KIAA0319L: variants seen among roughly 807,000 people sequenced by gnomAD.
KIAA0319L encodes the protein KIAA0319 like, also known as dyslexia-associated protein KIAA0319-like protein.
In KIAA0319L, 55 loss-of-function variants were observed where a neutral mutation model predicts 120.1. The observed-to-expected ratio is 0.46, with a 90% CI of 0.37 to 0.57. The LOEUF (loss-of-function observed/expected upper bound fraction) is 0.57. KIAA0319L is among the 20% of genes least tolerant of loss of function. The pLI is 0.00. For missense variants in KIAA0319L, 1,049 were observed against 1,255.3 expected (o/e 0.84, Z 2.48); for synonymous variants, 398 against 471.9 (o/e 0.84, Z 2.03).
At chr1:35,494,590 T>A (rs1489568594) in intron 3 of KIAA0319L, among the ~76,000 whole-genome samples, 3 of 149,398 alleles carry the variant, frequency 2.0e-5, no homozygotes, top group African/African-American at 7.4e-5. Flanking sequence ...AGTCCAGGAG[T>A]TTGAGACCAG....
At chr1:35,491,406 T>G (rs1054012279) in intron 3 of KIAA0319L, among the ~76,000 whole-genome samples, 1 of 151,968 alleles carries the variant, frequency 6.6e-6, no homozygotes, top group Non-Finnish European at 1.5e-5. Context: ...AATAACATAA[T>G]CAAATCGCTT....
At chr1:35,460,260 C>CA (rs771871327) in intron 9 of KIAA0319L, 45 bp downstream of exon 9, 2 of 1,554,788 alleles carry the variant, frequency 1.3e-6, no homozygotes, top group Non-Finnish European at 1.8e-6. Flanking sequence ...CCACGAGAGG[C>CA]AAAAAAATGG....
chr1:35,489,211 A>T (rs1253451587), intron 3 of KIAA0319L, among the ~76,000 whole-genome samples: 1 of 152,156 alleles, frequency 6.6e-6, no homozygotes, highest in Admixed American at 6.5e-5. Flanking sequence ...AGGTAAAAAA[A>T]CAAAACAAAA....
chr1:35,477,213 T>C (rs1643926100), intron 4 of KIAA0319L, among the ~76,000 whole-genome samples: 1 of 151,984 alleles, frequency 6.6e-6, no homozygotes, highest in Non-Finnish European at 1.5e-5. Context: ...CCAGAATATA[T>C]AAAGAGTTCA....
chr1:35,546,382 T>C (rs1646984482), intron 2 of KIAA0319L, among the ~76,000 whole-genome samples: 2 of 152,050 alleles, frequency 1.3e-5, no homozygotes, highest in Admixed American at 1.3e-4. Context: ...AGGTAAGAAA[T>C]AAAGGCGTCC....
At chr1:35,555,820 G>A (rs1647916027) in intron 1 of KIAA0319L, among the ~76,000 whole-genome samples, 1 of 152,202 alleles carries the variant, frequency 6.6e-6, no homozygotes, top group Non-Finnish European at 1.5e-5. Context: ...CCTGACAGGT[G>A]GGTGGGAGAA....
At chr1:35,501,619 G>A (rs1329831526) in intron 3 of KIAA0319L, among the ~76,000 whole-genome samples, 1 of 152,188 alleles carries the variant, frequency 6.6e-6, no homozygotes, top group Non-Finnish European at 1.5e-5. Flanking sequence ...GCTCACGCCT[G>A]TAATACCAGC....
In KIAA0319L at chr1:35,478,210, T is replaced by C. The variant is rs182379584; in HGVS notation, c.913+756A>G. ...CTAAAAATCAAAACAACTGAACTCA[T>C]GGAGATAGAGAGTAATGGTTAGATA... On this transcript the variant is annotated intron_variant, in intron 4 of 20. Transcript: ENST00000325722. Among the ~76,000 whole-genome samples, 6 of 149,230 alleles carry C rather than the reference T, an allele frequency of 4.0e-5. No homozygotes were observed. In the Admixed American group the frequency reaches 4.1e-4, roughly 10 times the overall value.
chr1:35,444,267 GGGAGGCTCGTTTTGAACAAA>G lies in KIAA0319L; in HGVS notation c.2530_2549del (p.Phe844ProfsTer8). Reference sequence around the variant, plus strand: ...CCTCATGGCCTTTGAAGATCTGGTGGGGAGGCTCGTTTTGAACAAAAAATACCATTTTGGTGCTGCAGAGA... The same window carrying G: ...CCTCATGGCCTTTGAAGATCTGGTGGAAATACCATTTTGGTGCTGCAGAGA... On this transcript the variant is annotated frameshift_variant, in exon 17 of 21. Transcript: ENST00000325722. LOFTEE classifies it high-confidence loss of function. The G allele has an allele frequency of 1.2e-6, 2 of 1,608,976 alleles. No homozygotes were observed. Among genetic ancestry groups the G allele is most frequent in the Non-Finnish European group, 1.7e-6 (2 of 1,177,982 alleles).
intron 2 of KIAA0319L, chr1:35,509,989 C>T (rs1055848571): frequency 6.6e-6 from 1 of 152,452 alleles, no homozygotes; most frequent in African/African-American, 2.4e-5. Flanking sequence ...AAGCAAAATA[C>T]TCTGAAGTTC....
intron 3 of KIAA0319L, 54 bp from the exon 4 acceptor site, chr1:35,479,266 G>A: frequency 6.9e-7 from 1 of 1,455,658 alleles, no homozygotes; most frequent in Non-Finnish European, 9.4e-7. Flanking sequence ...AATTTTTCAG[G>A]TTATGTCTCA....
At chr1:35,489,997 A>G (rs1469688582) in intron 3 of KIAA0319L, among the ~76,000 whole-genome samples, 2 of 149,902 alleles carry the variant, frequency 1.3e-5, no homozygotes, top group African/African-American at 2.5e-5. Flanking sequence ...GTCTCACTCT[A>G]TCACCCAGGC....
chr1:35,454,066 T>C (rs1345964262), intron 11 of KIAA0319L, among the ~76,000 whole-genome samples: 2 of 152,192 alleles, frequency 1.3e-5, no homozygotes, highest in Non-Finnish European at 2.9e-5. Flanking sequence ...TTGAAAGGAA[T>C]GGCAAAAACC....
chr1:35,497,826 T>C (rs182663779), intron 3 of KIAA0319L, among the ~76,000 whole-genome samples: 80 of 152,346 alleles, frequency 5.3e-4, no homozygotes, highest in African/African-American at 1.8e-3. Context: ...CATCTCACCA[T>C]TGTGTGCAAA....
At chr1:35,461,525 A>G (rs569241796) in intron 8 of KIAA0319L, among the ~76,000 whole-genome samples, 1 of 152,346 alleles carries the variant, frequency 6.6e-6, no homozygotes, top group African/African-American at 2.4e-5. Flanking sequence ...AACAGCACAT[A>G]TAATGTGCTT....
At chr1:35,452,998 G>T (rs1570648981) in intron 12 of KIAA0319L, among the ~76,000 whole-genome samples, 1 of 152,162 alleles carries the variant, frequency 6.6e-6, no homozygotes, top group South Asian at 2.1e-4. Context: ...CTTTAAAGGA[G>T]CTAAAAGAAA....
chr1:35,548,586 A>G (rs965599677), intron 2 of KIAA0319L, among the ~76,000 whole-genome samples: 4 of 152,172 alleles, frequency 2.6e-5, no homozygotes, highest in African/African-American at 7.2e-5. Flanking sequence ...CATATATAAG[A>G]CATTAGTATA....
chr1:35,483,359 A>C (rs574781233), intron 3 of KIAA0319L, among the ~76,000 whole-genome samples: 1 of 152,274 alleles, frequency 6.6e-6, no homozygotes, highest in Admixed American at 6.5e-5. Flanking sequence ...CTCTTCCATA[A>C]GTTTTATAGC....
intron 2 of KIAA0319L, among the ~76,000 whole-genome samples, chr1:35,519,981 AC>A (rs1407308438): frequency 1.3e-5 from 2 of 151,986 alleles, no homozygotes; most frequent in African/African-American, 4.8e-5. Flanking sequence ...GACTGATCTC[AC>A]TCTAAGTAAA....
Sources: allele counts gnomAD v4.1 joint callset (sites outside exome capture counted in the v4.1 genomes callset), GRCh38; gene constraint gnomAD v4.1.1; transcripts MANE v1.5; gene names NCBI Gene and HGNC (gene_info 2026-07-23, HGNC 2026-07-21).